The following CSMD1 variants were observed in gnomAD, a reference collection of about 807,000 sequenced individuals.
The protein encoded by CSMD1 is CUB and Sushi multiple domains 1.
CSMD1 carries 213 observed loss-of-function variants against 417.5 expected under a neutral mutation model. The observed-to-expected ratio is 0.51, with a 90% CI of 0.46 to 0.57. The LOEUF is 0.57. Among genes scored for constraint, CSMD1 ranks in the 20% least tolerant of loss-of-function variants. CSMD1 has a pLI of 0.00. For synonymous variants in CSMD1, 2,862 were observed against 1,736.8 expected (o/e 1.65, Z -16.11); for missense variants, 6,923 against 4,529.7 (o/e 1.53, Z -15.17).
At position 4,656,673 on chromosome 8, in the gene CSMD1, G is replaced by A. The variant is rs572286639; in HGVS notation, c.86-19115C>T. Reference sequence around the variant, plus strand: ...TTCTCTGAGATAGTCTATCATCACCGAATACAACTGCCCAGTTACCTGCCA... The same window carrying A: ...TTCTCTGAGATAGTCTATCATCACCAAATACAACTGCCCAGTTACCTGCCA... On this transcript the variant is annotated intron_variant, in intron 1 of 69. Transcript: ENST00000635120. 3.9e-5 allele frequency among the ~76,000 whole-genome samples: 6 copies of A among 152,182 alleles called. No individual in the cohort carries two copies. The East Asian group carries it at 5.8e-4, about 15-fold the overall frequency.
At chr8:3,297,826 A>T (rs931573773) in intron 25 of CSMD1, among the ~76,000 whole-genome samples, 1 of 152,080 alleles carries the variant, frequency 6.6e-6, no homozygotes, top group Admixed American at 6.6e-5. Context: ...TATAGTTTAA[A>T]AATTTGCTAA....
Position 4,899,040 on chromosome 8 carries a change from G to C in CSMD1, c.85+95292C>G, listed in dbSNP as rs114713804. Among the ~76,000 whole-genome samples the C allele has an allele frequency of 7.2e-3, 1,096 of 152,176 alleles. 16 individuals carry two copies. The highest frequency in any genetic ancestry group is 0.025 in the African/African-American group (1,049 of 41,516). The stretch of plus-strand genomic sequence containing the variant: ...ATGCTAAACACAATCGACTCCTTTG[G>C]GGACAGCTTGATCATTTAAAATGTA... On this transcript the variant is annotated intron_variant, in intron 1 of 69. Coordinates refer to ENST00000635120, the MANE Select transcript of CSMD1 (RefSeq NM_033225.6).
At chr8:3,289,051 C>G (rs1356945095) in intron 25 of CSMD1, among the ~76,000 whole-genome samples, 1 of 146,924 alleles carries the variant, frequency 6.8e-6, no homozygotes, top group Admixed American at 6.7e-5. Flanking sequence ...TGTTCAATTC[C>G]CACCTATGAG....
chr8:4,207,213 A>C (rs796752595), intron 3 of CSMD1, among the ~76,000 whole-genome samples: 4 of 152,312 alleles, frequency 2.6e-5, no homozygotes, highest in African/African-American at 9.6e-5. Context: ...TGAATGTGAA[A>C]AGTTGTATAA....
chr8:4,376,379 C>G (rs754911501), intron 3 of CSMD1, among the ~76,000 whole-genome samples: 23 of 152,246 alleles, frequency 1.5e-4, no homozygotes, highest in Middle Eastern at 3.4e-3. Flanking sequence ...CTGTGAGTAA[C>G]CATATGTAAC....
chr8:3,854,172 A>C (rs1018666750), intron 5 of CSMD1, among the ~76,000 whole-genome samples: 1 of 144,250 alleles, frequency 6.9e-6, no homozygotes, highest in Admixed American at 6.9e-5. Flanking sequence ...AAAAAAAAAA[A>C]CACGTCTTGG....
chr8:4,545,110 T>C (rs367827216), intron 2 of CSMD1, among the ~76,000 whole-genome samples: 1 of 152,214 alleles, frequency 6.6e-6, no homozygotes, highest in African/African-American at 2.4e-5. Flanking sequence ...AGAGGGGACA[T>C]AGTAACTTGG....
intron 3 of CSMD1, among the ~76,000 whole-genome samples, chr8:4,113,194 A>G (rs922962348): frequency 1.3e-5 from 2 of 152,046 alleles, no homozygotes; most frequent in African/African-American, 4.8e-5. Context: ...AACAATATTG[A>G]AATTCGGACA....
intron 6 of CSMD1, among the ~76,000 whole-genome samples, chr8:3,723,089 C>G (rs747458433): frequency 3.3e-5 from 5 of 152,128 alleles, no homozygotes; most frequent in African/African-American, 1.2e-4. Flanking sequence ...AGGAAGAATC[C>G]TTTTTGACAT....
intron 1 of CSMD1, among the ~76,000 whole-genome samples, chr8:4,914,054 T>G (rs1274225323): frequency 6.6e-6 from 1 of 152,210 alleles, no homozygotes; most frequent in Non-Finnish European, 1.5e-5. Context: ...GAAACAAATC[T>G]TAGTACGATA....
chr8:3,653,881 C>A (rs1022945869), intron 7 of CSMD1, among the ~76,000 whole-genome samples: 1 of 152,092 alleles, frequency 6.6e-6, no homozygotes, highest in Non-Finnish European at 1.5e-5. Context: ...CTGTCTTAAT[C>A]CTGACAGCAT....
At chr8:4,713,843 C>T (rs926269171) in intron 1 of CSMD1, among the ~76,000 whole-genome samples, 1 of 152,122 alleles carries the variant, frequency 6.6e-6, no homozygotes, top group African/African-American at 2.4e-5. Flanking sequence ...TTTAATTTTC[C>T]TATCTTTTGA....
intron 49 of CSMD1, among the ~76,000 whole-genome samples, chr8:3,084,018 TTTG>T (rs1300122004): frequency 2.6e-5 from 4 of 152,084 alleles, no homozygotes; most frequent in Non-Finnish European, 4.4e-5. Flanking sequence ...AACAAATCTT[TTTG>T]TTGTTGTTGT....
At position 4,811,580 on chromosome 8, in the gene CSMD1, T is replaced by C. The variant is rs933179909; in HGVS notation, c.86-174022A>G. Among the ~76,000 whole-genome samples the C allele has an allele frequency of 2.0e-5, 3 of 152,246 alleles. No individual in the cohort carries two copies. The East Asian group carries it at 5.8e-4, about 30-fold the overall frequency. The stretch of plus-strand genomic sequence containing the variant: ...GAAAAATAAACACATGTGAGGCTCA[T>C]CCTTTGGCAATAATTAAAATGTCTT... On this transcript the variant is annotated intron_variant, in intron 1 of 69. Transcript: ENST00000635120.
chr8:4,139,925 G>A (rs542912299), intron 3 of CSMD1, among the ~76,000 whole-genome samples: 1 of 150,694 alleles, frequency 6.6e-6, no homozygotes, highest in Non-Finnish European at 1.5e-5. Context: ...TCAGAGGATG[G>A]ATAAAAGGAA....
chr8:4,368,140 G>C (rs1245408820), intron 3 of CSMD1, among the ~76,000 whole-genome samples: 5 of 152,090 alleles, frequency 3.3e-5, no homozygotes, highest in African/African-American at 1.2e-4. Context: ...GGTGTTCATA[G>C]ATGATCATTT....
At chr8:3,242,341 T>A (rs1366021490) in intron 26 of CSMD1, among the ~76,000 whole-genome samples, 1 of 150,660 alleles carries the variant, frequency 6.6e-6, no homozygotes, top group African/African-American at 2.4e-5. Context: ...CTAGAAAGAC[T>A]CAGCGACGCT....
chr8:3,242,891 C>T (rs917354367), intron 26 of CSMD1, among the ~76,000 whole-genome samples: 21 of 151,746 alleles, frequency 1.4e-4, no homozygotes, highest in Admixed American at 2.6e-4. Flanking sequence ...GAGGTTGGGG[C>T]GTGGAAATAA....
At chr8:3,790,498 T>C (rs896414388) in intron 5 of CSMD1, among the ~76,000 whole-genome samples, 1 of 152,156 alleles carries the variant, frequency 6.6e-6, no homozygotes, top group Non-Finnish European at 1.5e-5. Flanking sequence ...GTGAGAGTGA[T>C]GGTAATTATG....
Sources: allele counts gnomAD v4.1 joint callset (sites outside exome capture counted in the v4.1 genomes callset), GRCh38; gene constraint gnomAD v4.1.1; transcripts MANE v1.5; gene names NCBI Gene and HGNC (gene_info 2026-07-23, HGNC 2026-07-21).